BCAP29: variants seen among roughly 807,000 people sequenced by gnomAD.
BCAP29 encodes B cell receptor associated protein 29, also known as B-cell receptor-associated protein 29.
BCAP29 carries 34 observed loss-of-function variants against 31.8 expected under a neutral mutation model. The observed-to-expected ratio is 1.07, with a 90% confidence interval of 0.81 to 1.42. The LOEUF (loss-of-function observed/expected upper bound fraction) is 1.42, where lower values mean the gene tolerates loss of function less well. BCAP29 is among the 40% of genes most tolerant of loss of function. The probability of loss-of-function intolerance (pLI) is 0.00; values close to 1 mark genes in which losing one functional copy is unlikely to be tolerated. For synonymous variants in BCAP29, 104 were observed against 91.3 expected, an observed-to-expected ratio of 1.14 and a Z score of -0.79; for missense variants, 314 against 269.2, an observed-to-expected ratio of 1.17 and a Z score of -1.16.
chr7:107,583,551 A>G (rs1173183097), intron 2 of BCAP29, among the ~76,000 whole-genome samples: 1 of 152,170 alleles, frequency 6.6e-6, no homozygotes, highest in African/African-American at 2.4e-5. Context: ...CTGACCATGA[A>G]AAAGATACAG....
At chr7:107,595,815 A>G (rs948803767) in intron 4 of BCAP29, 52 bp from the exon 5 acceptor site, 1 of 1,568,038 alleles carries the variant, frequency 6.4e-7, no homozygotes, top group African/African-American at 1.4e-5. Flanking sequence ...CTGTTTTAAA[A>G]TAAGTTTCTG....
intron 5 of BCAP29, among the ~76,000 whole-genome samples, chr7:107,599,358 A>AT (rs1262846663): frequency 1.5e-5 from 2 of 131,688 alleles, no homozygotes; most frequent in Non-Finnish European, 3.2e-5. Flanking sequence ...TATATATATA[A>AT]TTTTTTGTAA....
intron 2 of BCAP29, among the ~76,000 whole-genome samples, chr7:107,582,133 T>C (rs1406742627): frequency 1.3e-5 from 2 of 152,204 alleles, no homozygotes; most frequent in African/African-American, 4.8e-5. Context: ...GAAAGAAAGA[T>C]TTTGTATATA....
intron 5 of BCAP29, among the ~76,000 whole-genome samples, chr7:107,597,955 G>C (rs1027900253): frequency 6.6e-6 from 1 of 152,112 alleles, no homozygotes; most frequent in Admixed American, 6.6e-5. Flanking sequence ...ACCAAGGTGG[G>C]ATAATTTGGA....
At chr7:107,588,031 T>C (rs1361045487) in intron 3 of BCAP29, 2 of 152,138 alleles carry the variant, frequency 1.3e-5, no homozygotes, top group Non-Finnish European at 2.9e-5. Flanking sequence ...AGAAAAATAA[T>C]TACTCTTGAA....
At chr7:107,602,551 A>T (rs1045407648) in intron 6 of BCAP29, among the ~76,000 whole-genome samples, 1 of 152,012 alleles carries the variant, frequency 6.6e-6, no homozygotes, top group Non-Finnish European at 1.5e-5. Context: ...AAATTGAGTT[A>T]AAAAAAAGCA....
intron 2 of BCAP29, among the ~76,000 whole-genome samples, chr7:107,582,772 ACACCACACCAAACCTT>A (rs1806934300): frequency 6.6e-6 from 1 of 152,172 alleles, no homozygotes; most frequent in Non-Finnish European, 1.5e-5. Context: ...ATTCCCTTTT[ACACCACACCAAACCTT>A]GAAGAAATAA....
At chr7:107,608,531 C>T (rs1048749980) in intron 6 of BCAP29, among the ~76,000 whole-genome samples, 2 of 152,004 alleles carry the variant, frequency 1.3e-5, no homozygotes, top group Non-Finnish European at 2.9e-5. Context: ...TTACAAGATA[C>T]TCCAGGCTTA....
intron 6 of BCAP29, among the ~76,000 whole-genome samples, chr7:107,612,408 TATATATATATATATATA>T (rs1563141272): frequency 5.7e-5 from 2 of 35,240 alleles, no homozygotes; most frequent in African/African-American, 1.3e-4. Flanking sequence ...TATATATATA[TATATATATATATATATA>T]TATATATATA....
At chr7:107,606,875 C>G (rs1486549708) in intron 6 of BCAP29, among the ~76,000 whole-genome samples, 1 of 152,194 alleles carries the variant, frequency 6.6e-6, no homozygotes, top group Non-Finnish European at 1.5e-5. Context: ...GAGTATTTAT[C>G]TGGAGCACCT....
intron 6 of BCAP29, among the ~76,000 whole-genome samples, chr7:107,605,609 G>T (rs1422448532): frequency 1.3e-5 from 2 of 152,194 alleles, no homozygotes; most frequent in African/African-American, 4.8e-5. Flanking sequence ...AAGCAGAGTG[G>T]TCTGTTTGAA....
chr7:107,592,312 A>C (rs866949554), intron 3 of BCAP29, among the ~76,000 whole-genome samples: 1 of 152,246 alleles, frequency 6.6e-6, no homozygotes, highest in African/African-American at 2.4e-5. Context: ...ATGATATACA[A>C]ATGATCAACA....
At chr7:107,614,252 G>C (rs989768177) in intron 7 of BCAP29, among the ~76,000 whole-genome samples, 1 of 152,130 alleles carries the variant, frequency 6.6e-6, no homozygotes, top group African/African-American at 2.4e-5. Flanking sequence ...AATGGTCATG[G>C]TATCTCCAAG....
rs1249586625 is a variant in BCAP29, at chr7:107,600,419, A to G, written c.503A>G (p.Asp168Gly). 1.9e-6 allele frequency: 3 copies of G among 1,608,014 alleles called. No homozygotes were observed. The highest frequency in any genetic ancestry group is 2.2e-5 in the South Asian group (2 of 90,772). The change falls in exon 6 of 8, where the codon GAT becomes GGT. Residue 168 changes from aspartate (D) to glycine (G), a missense_variant. Transcript: ENST00000005259. ...TAGATTTTGAAAAGCCATGGTAAAG[A>G]TGAAGAATGTGTTTTGGAAGCAGAA... ...LKRILKSHGK[D>G]EECVLEAENK...
At position 107,618,612 on chromosome 7, in the gene BCAP29, C is replaced by T; in HGVS notation, c.*249C>T. 6.4e-7 allele frequency: 1 copy of T among 1,560,240 alleles called. No homozygotes were observed. The highest frequency in any genetic ancestry group is 8.7e-7 in the Non-Finnish European group (1 of 1,144,778). On this transcript the variant is annotated 3_prime_UTR_variant, in exon 8 of 8. Transcript: ENST00000005259. ...TACCATATTTACATATTGATAATGT[C>T]ATTGGTATATGGTGGCTGTTTACCA... is the stretch of plus-strand genomic sequence containing the variant.
In BCAP29 at chr7:107,607,655, G is replaced by A. The variant is rs62483754; in HGVS notation, c.590-5677G>A. On this transcript the variant is annotated intron_variant, in intron 6 of 7. Transcript: ENST00000005259. ...TTTTTCTTTTTTTTTTTTTTTTTCC[G>A]AGACAGATTCTCCCTTTGTAGTGCA... is the stretch of plus-strand genomic sequence containing the variant. Among the ~76,000 whole-genome samples the A allele has an allele frequency of 2.6e-5, 3 of 117,088 alleles. No individual in the cohort carries two copies. The Admixed American group carries it at 3.2e-4, about 12-fold the overall frequency. 76.8% of individuals were successfully genotyped at this position (117,088 alleles called of 152,430 possible).
At chr7:107,587,284 A>G (rs1563126638) in intron 3 of BCAP29, 1 of 152,246 alleles carries the variant, frequency 6.6e-6, no homozygotes, top group South Asian at 2.1e-4. Context: ...TCCTTCCCTT[A>G]TTGTTGACTC....
chr7:107,608,600 G>A (rs1233312078), intron 6 of BCAP29, among the ~76,000 whole-genome samples: 1 of 151,692 alleles, frequency 6.6e-6, no homozygotes. Context: ...TTTTAATTGG[G>A]CTGGATTCTT....
intron 7 of BCAP29, chr7:107,615,187 C>T (rs1022803568): frequency 3.7e-5 from 17 of 456,506 alleles, no homozygotes; most frequent in Admixed American, 9.4e-5. Flanking sequence ...CATTGGTTCT[C>T]TTAATTCTGA....
Sources: allele counts gnomAD v4.1 joint callset (sites outside exome capture counted in the v4.1 genomes callset), GRCh38; gene constraint gnomAD v4.1.1; transcripts MANE v1.5; gene names NCBI Gene and HGNC (gene_info 2026-07-23, HGNC 2026-07-21).